Variants in IFT74 observed in about 807,000 individuals in gnomAD.
IFT74 encodes intraflagellar transport 74.
Under a neutral mutation model 96.7 loss-of-function variants are expected in IFT74, and 92 were observed. That is an observed-to-expected ratio of 0.95 (90% CI 0.80 to 1.13). The LOEUF is 1.13. Ranked by LOEUF, IFT74 falls within the 50% of genes most tolerant of loss-of-function variation. The pLI, the probability that IFT74 is intolerant of heterozygous loss-of-function variation, is 0.00. For missense variants in IFT74, 811 were observed against 698.2 expected, an observed-to-expected ratio of 1.16 and a Z score of -1.82; for synonymous variants, 223 against 213.2, an observed-to-expected ratio of 1.05 and a Z score of -0.40.
In IFT74 at chr9:26,959,199, T is replaced by C. The variant is rs960850151; in HGVS notation, c.-20+2683T>C. Among the ~76,000 whole-genome samples, 27 of 152,158 alleles carry C rather than the reference T, an allele frequency of 1.8e-4. 1 individual carries two copies. In the East Asian group the frequency reaches 4.1e-3, roughly 23 times the overall value. ...TCTCAGCTCACTGCAAGCTCTGCCT[T>C]CCGGGTTCACGCCATTCTCCTGCCT... On this transcript the variant is annotated intron_variant, in intron 1 of 19. Transcript: ENST00000380062.
At chr9:26,984,459 T>G in intron 5 of IFT74, 40 bp from the exon 6 acceptor site, 1 of 1,582,650 alleles carries the variant, frequency 6.3e-7, no homozygotes, top group East Asian at 2.2e-5. Flanking sequence ...TGTATATTTT[T>G]ATGTACATAT....
At chr9:26,959,154 G>T (rs1468198487) in intron 1 of IFT74, among the ~76,000 whole-genome samples, 1 of 152,138 alleles carries the variant, frequency 6.6e-6, no homozygotes. Context: ...TGTCGCCCAG[G>T]CTGGAGTGCA....
intron 12 of IFT74, among the ~76,000 whole-genome samples, chr9:27,023,943 T>G (rs1829732068): frequency 1.3e-5 from 2 of 152,130 alleles, no homozygotes; most frequent in South Asian, 4.1e-4. Flanking sequence ...GCCTCACCAA[T>G]CACCTGAGAA....
At chr9:27,061,800 C>T (rs1240748410) in intron 19 of IFT74, among the ~76,000 whole-genome samples, 4 of 151,834 alleles carry the variant, frequency 2.6e-5, no homozygotes, top group Admixed American at 2.6e-4. Context: ...AGAAGTTTGA[C>T]TTCCAAGCTC....
intron 13 of IFT74, among the ~76,000 whole-genome samples, chr9:27,029,810 T>C (rs1015329442): frequency 6.6e-6 from 1 of 152,140 alleles, no homozygotes; most frequent in Non-Finnish European, 1.5e-5. Flanking sequence ...CAGTAACTGG[T>C]AGCGTTAGAG....
chr9:27,016,934 G>A lies in IFT74; in HGVS notation c.817G>A (p.Glu273Lys). The part of the protein sequence containing the change: ...AEIAHSQVKQ[E>K]AVLLHEKLYE... ...AATAGCTCACTCCCAGGTGAAACAG[G>A]AGGCGGTATTGCTGCATGAAAAACT... Residue 273 changes from glutamate to lysine, a missense_variant, in exon 11 of 20, where the codon GAG becomes AAG. Physicochemically the swap from Glu to Lys is moderately conservative, Grantham distance 56 (BLOSUM62 1). Coordinates refer to ENST00000380062, the MANE Select transcript of IFT74 (RefSeq NM_025103.4). 1 of 1,606,982 alleles carries A rather than the reference G, an allele frequency of 6.2e-7. No homozygotes were observed. Among genetic ancestry groups the A allele is most frequent in the Non-Finnish European group, 8.5e-7 (1 of 1,176,704 alleles).
intron 2 of IFT74, among the ~76,000 whole-genome samples, chr9:26,962,663 GAAA>G: frequency 6.6e-6 from 1 of 152,228 alleles, no homozygotes; most frequent in Middle Eastern, 3.4e-3. Flanking sequence ...ACATAGCTTA[GAAA>G]CTTGGTATTT....
rs140101024 is a variant in IFT74, at chr9:26,981,646, C to T, written c.305+1027C>T. Among the ~76,000 whole-genome samples, 269 of 152,304 alleles carry T rather than the reference C, an allele frequency of 1.8e-3. 1 individual carries two copies. The highest frequency in any genetic ancestry group is 6.3e-3 in the African/African-American group (263 of 41,562). ...TGTCAGCCAGGCTTGTCTCGAACTC[C>T]TGACCTCAAATGATCTGCCCATCTC... On this transcript the variant is annotated intron_variant, in intron 4 of 19. Transcript: ENST00000380062.
At chr9:27,043,062 A>G (rs1301661235) in intron 13 of IFT74, among the ~76,000 whole-genome samples, 1 of 152,196 alleles carries the variant, frequency 6.6e-6, no homozygotes. Flanking sequence ...TTTTGAGACC[A>G]TGGTTGATCA....
upstream of IFT74, among the ~76,000 whole-genome samples, chr9:26,952,085 A>G (rs773030761): frequency 2.2e-4 from 33 of 152,206 alleles, no homozygotes; most frequent in Non-Finnish European, 3.7e-4. Flanking sequence ...TCTAGTGCCA[A>G]TACATTTAGT....
At chr9:27,011,880 A>C in intron 9 of IFT74, 26 bp from the exon 10 acceptor site, 1 of 1,482,334 alleles carries the variant, frequency 6.7e-7, no homozygotes, top group Non-Finnish European at 9.1e-7. Flanking sequence ...ATTTGGATTT[A>C]TGTTTGCTTT....
intron 2 of IFT74, among the ~76,000 whole-genome samples, chr9:26,973,588 A>G (rs1826971136): frequency 6.6e-6 from 1 of 152,206 alleles, no homozygotes; most frequent in African/African-American, 2.4e-5. Context: ...TTGAAGGCCT[A>G]TTCCTAATTT....
At chr9:27,060,930 C>G (rs976202770) in intron 19 of IFT74, 1 of 186,208 alleles carries the variant, frequency 5.4e-6, no homozygotes, top group African/African-American at 2.8e-5. Flanking sequence ...CCACTGCACT[C>G]CAGCCTGGGC....
chr9:26,987,489 A>G (rs1474691038), intron 6 of IFT74, among the ~76,000 whole-genome samples: 2 of 152,226 alleles, frequency 1.3e-5, no homozygotes, highest in East Asian at 3.8e-4. Flanking sequence ...ATACTACCAT[A>G]TAAAATATGC....
At chr9:27,009,778 A>G (rs972565620) in intron 9 of IFT74, among the ~76,000 whole-genome samples, 15 of 152,126 alleles carry the variant, frequency 9.9e-5, no homozygotes, top group African/African-American at 3.4e-4. Context: ...TATGATTTGA[A>G]TGGCTATTGT....
chr9:27,000,580 A>G (rs1828428557), intron 8 of IFT74, among the ~76,000 whole-genome samples: 1 of 152,226 alleles, frequency 6.6e-6, no homozygotes, highest in Non-Finnish European at 1.5e-5. Flanking sequence ...ATTTTTAAAG[A>G]TCAAATTAAT....
At chr9:27,034,176 A>G (rs1163978740) in intron 13 of IFT74, among the ~76,000 whole-genome samples, 1 of 152,228 alleles carries the variant, frequency 6.6e-6, no homozygotes, top group East Asian at 1.9e-4. Context: ...ATTTTCCCAA[A>G]TGTGGAGTTG....
At chr9:26,988,861 T>A in intron 7 of IFT74, 133 bp downstream of exon 7, 3 of 815,324 alleles carry the variant, frequency 3.7e-6, no homozygotes, top group Non-Finnish European at 5.2e-6. Flanking sequence ...TAAATACCAC[T>A]ATTAGGTATT....
chr9:27,047,315 A>G lies in IFT74; in HGVS notation c.1150A>G (p.Lys384Glu), dbSNP rs767969051. ...TFEETKNQEL[K>E]RKAQIEANIV... ...TGAGGAAACAAAGAATCAGGAACTG[A>G]AACGAAAGGCACAGATAGAAGCCAA... The change falls in exon 15 of 20, where the codon AAA (lysine) becomes GAA (glutamate). Residue 384 changes from lysine to glutamate, a missense_variant. By Grantham distance (56) the Lys-to-Glu change is moderately conservative (BLOSUM62 1). Coordinates refer to ENST00000380062, the MANE Select transcript of IFT74 (RefSeq NM_025103.4). 5.0e-6 allele frequency: 8 copies of G among 1,613,426 alleles called. No individual in the cohort carries two copies. The African/African-American group carries it at 1.1e-4, about 22-fold the overall frequency.
Sources: allele counts gnomAD v4.1 joint callset (sites outside exome capture counted in the v4.1 genomes callset), GRCh38; gene constraint gnomAD v4.1.1; transcripts MANE v1.5; gene names NCBI Gene and HGNC (gene_info 2026-07-23, HGNC 2026-07-21).